The following EIF2B5 variants were observed in gnomAD, a reference collection of about 807,000 sequenced individuals.
EIF2B5 encodes translation initiation factor eIF2B subunit epsilon.
Under a neutral mutation model 87.3 loss-of-function variants are expected in EIF2B5, and 38 were observed. That is an observed-to-expected ratio of 0.44 (90% CI 0.34 to 0.57). The LOEUF is 0.57. Among genes scored for constraint, EIF2B5 ranks in the 20% least tolerant of loss-of-function variants. The pLI is 0.02. For missense variants in EIF2B5, 784 were observed against 909.5 expected, an observed-to-expected ratio of 0.86 and a Z score of 1.78; for synonymous variants, 313 against 339.6, an observed-to-expected ratio of 0.92 and a Z score of 0.86.
rs776891176 is a variant in EIF2B5 at position 184,142,379 on chromosome 3, G to A, written c.1444+1G>A. The A allele has an allele frequency of 1.2e-6, 2 of 1,614,074 alleles. No individual in the cohort carries two copies. Among genetic ancestry groups the A allele is most frequent in the African/African-American group, 2.7e-5 (2 of 74,932 alleles). ...GAAAAGGACAAAGTGAAGATGAAAG[G>A]TGTGAGACTCAACAGGTGTGGGGCA... On this transcript the variant is annotated splice_donor_variant, in intron 9 of 15. Coordinates refer to ENST00000648915, the MANE Select transcript of EIF2B5 (RefSeq NM_003907.3). LOFTEE classifies it high-confidence loss of function. The surrounding 1 kb of genome is among the most constrained non-coding windows in gnomAD (Gnocchi z 5.0).
At chr3:184,141,677 T>G (rs1361001442) in intron 7 of EIF2B5, among the ~76,000 whole-genome samples, 1 of 152,058 alleles carries the variant, frequency 6.6e-6, no homozygotes, top group Non-Finnish European at 1.5e-5. Flanking sequence ...GTTCAGAGGG[T>G]CCCCAGAAAT....
At position 184,137,652 on chromosome 3, in the gene EIF2B5, A is replaced by T; in HGVS notation, c.353A>T (p.Asn118Ile). 1 of 1,614,068 alleles carries T rather than the reference A, an allele frequency of 6.2e-7. No individual in the cohort carries two copies. The highest frequency in any genetic ancestry group is 8.5e-7 in the Non-Finnish European group (1 of 1,180,014). Residue 118 changes from asparagine (N) to isoleucine (I), a missense_variant, in exon 3 of 16, where the codon AAT (asparagine) becomes ATT (isoleucine). Asn to Ile is a moderately radical substitution (Grantham distance 149). Around this residue, in one of 3 missense-constraint regions of EIF2B5, gnomAD observed 660 missense variants for 789.5 expected, o/e 0.84. Transcript: ENST00000648915. The stretch of plus-strand genomic sequence containing the variant: ...AAGTGGTGCCGCCCTACATCTCTCA[A>T]TGTGGTTCGAATAATTACATCAGAG... ...KSKWCRPTSL[N>I]VVRIITSELY...
chr3:184,144,810 C>G, intron 15 of EIF2B5, 74 bp from the exon 16 acceptor site: 3 of 1,585,372 alleles, frequency 1.9e-6, no homozygotes, highest in South Asian at 1.1e-5. Flanking sequence ...GTTGTTAGAG[C>G]TGTTTATCTG....
At position 184,142,541 on chromosome 3, in the gene EIF2B5, A is replaced by G. The variant is rs113994082; in HGVS notation, c.1484A>G (p.Tyr495Cys). The G allele has an allele frequency of 3.1e-6, 5 of 1,614,104 alleles. No individual in the cohort carries two copies. The highest frequency in any genetic ancestry group is 3.4e-6 in the Non-Finnish European group (4 of 1,180,028). The part of the protein sequence containing the change: ...PAEVGAAGKG[Y>C]LWKAAGMNME... ...GAAGTAGGAGCTGCTGGCAAGGGCT[A>G]CCTCTGGAAAGCTGCAGGCATGAAC... Residue 495 changes from tyrosine to cysteine, a missense_variant, in exon 10 of 16, where the codon TAC (tyrosine) becomes TGC (cysteine). By Grantham distance (194) the Tyr-to-Cys change is radical (BLOSUM62 -2). Coordinates refer to ENST00000648915, the MANE Select transcript of EIF2B5 (RefSeq NM_003907.3). This position sits in a 1 kb window ranked among gnomAD's most constrained non-coding sequence, Gnocchi z 5.0.
intron 5 of EIF2B5, 33 bp downstream of exon 5, chr3:184,138,279 A>C: frequency 3.2e-6 from 5 of 1,567,228 alleles, no homozygotes; most frequent in Non-Finnish European, 4.4e-6. Flanking sequence ...TGCACACCCA[A>C]AGAGTAGAAC....
In EIF2B5 at chr3:184,140,701, A is replaced by G. The variant is rs756598504; in HGVS notation, c.1127A>G (p.Asn376Ser). 6.2e-7 allele frequency: 1 copy of G among 1,614,138 alleles called. No individual in the cohort carries two copies. The highest frequency in any genetic ancestry group is 1.1e-5 in the South Asian group (1 of 91,084). Residue 376 changes from asparagine to serine, a missense_variant, in exon 7 of 16, where the codon AAC becomes AGC. Physicochemically the swap from Asn to Ser is conservative, Grantham distance 46. Transcript: ENST00000648915. ...TVIGSNCFIT[N>S]SVIGPGCHIG... ...ATTGGCAGCAATTGCTTTATCACCA[A>G]CAGTGTCATTGGCCCCGGCTGCCAC...
Position 184,142,137 on chromosome 3 carries a change from C to CATTATT in EIF2B5, c.1302+68_1302+73dup. 6.2e-7 allele frequency: 1 copy of CATTATT among 1,613,782 alleles called. No individual in the cohort carries two copies. The highest frequency in any genetic ancestry group is 1.1e-5 in the South Asian group (1 of 90,970). Reference sequence around the variant, plus strand: ...GGCAGTCACACTGAGCCAGAAGGGGCATTATTTCCACCCATAATCCTGTCT... The same window carrying CATTATT: ...GGCAGTCACACTGAGCCAGAAGGGGCATTATTATTATTTCCACCCATAATCCTGTCT... On this transcript the variant is annotated intron_variant, in intron 8 of 15. Transcript: ENST00000648915. The surrounding 1 kb of genome is among the most constrained non-coding windows in gnomAD (Gnocchi z 5.0).
At chr3:184,136,519 T>C in intron 1 of EIF2B5, 93 bp from the exon 2 acceptor site, 4 of 1,521,380 alleles carry the variant, frequency 2.6e-6, no homozygotes, top group Non-Finnish European at 3.6e-6. Context: ...AATTACACTG[T>C]TTGGAAATAC....
Position 184,137,700 on chromosome 3 carries a change from T to A in EIF2B5, c.401T>A (p.Val134Asp). Reference sequence around the variant, plus strand: ...GAGCTCTATCGATCACTGGGAGATGTCCTCCGTGATGTTGATGCCAAGGCT... The same window carrying A: ...GAGCTCTATCGATCACTGGGAGATGACCTCCGTGATGTTGATGCCAAGGCT... ...TSELYRSLGDVLRDVDAKALV... is the reference protein window; with the variant it reads ...TSELYRSLGDDLRDVDAKALV... The change falls in exon 3 of 16, where the codon GTC (valine) becomes GAC (aspartate). Residue 134 changes from valine (V) to aspartate (D), a missense_variant. Around this residue, in one of 3 missense-constraint regions of EIF2B5, gnomAD observed 660 missense variants for 789.5 expected, o/e 0.84. Coordinates refer to ENST00000648915, the MANE Select transcript of EIF2B5 (RefSeq NM_003907.3). The A allele has an allele frequency of 1.2e-6, 2 of 1,614,204 alleles. No individual in the cohort carries two copies. Among genetic ancestry groups the A allele is most frequent in the Non-Finnish European group, 1.7e-6 (2 of 1,180,032 alleles).
chr3:184,135,872 G>A, intron 1 of EIF2B5: 1 of 510,814 alleles, frequency 2.0e-6, no homozygotes, highest in Non-Finnish European at 3.5e-6. Flanking sequence ...AGTGCCCCTA[G>A]AAGAGGCTGC....
intron 13 of EIF2B5, 111 bp downstream of exon 13, chr3:184,143,676 C>T: frequency 6.5e-7 from 1 of 1,531,610 alleles, no homozygotes; most frequent in African/African-American, 1.4e-5. Context: ...TTTTTCCTTG[C>T]CTCTGGAAGC....
At position 184,138,128 on chromosome 3, in the gene EIF2B5, G is replaced by A. The variant is rs373503053; in HGVS notation, c.685-38G>A. The A allele has an allele frequency of 9.3e-6, 15 of 1,613,998 alleles. No homozygotes were observed. The African/African-American group carries it at 1.6e-4, about 17-fold the overall frequency. On this transcript the variant is annotated intron_variant, in intron 4 of 15. Coordinates refer to ENST00000648915, the MANE Select transcript of EIF2B5 (RefSeq NM_003907.3). ...ATGGGGAAGTGACAGGCTTCAGTGG[G>A]AGAAACAAATTAAAGTCCTTGTAAC...
chr3:184,138,881 C>T (rs933802444), intron 5 of EIF2B5: 3 of 294,156 alleles, frequency 1.0e-5, no homozygotes, highest in Non-Finnish European at 2.0e-5. Context: ...GGCCTGGTCA[C>T]GAACTCCTGA....
chr3:184,136,956 G>A, intron 2 of EIF2B5: 1 of 611,580 alleles, frequency 1.6e-6, no homozygotes. Context: ...AATAAACTTG[G>A]GTTTTTTCTG....
intron 2 of EIF2B5, chr3:184,137,383 G>T (rs1713411193): frequency 3.5e-6 from 2 of 577,562 alleles, no homozygotes; most frequent in African/African-American, 1.9e-5. Flanking sequence ...GGGACAAGGG[G>T]TCAAGGTATG....
intron 1 of EIF2B5, 54 bp from the exon 2 acceptor site, chr3:184,136,558 G>C: frequency 6.2e-7 from 1 of 1,611,002 alleles, no homozygotes; most frequent in East Asian, 2.2e-5. Context: ...TGTTGCAGTG[G>C]GGTACCCAAA....
chr3:184,144,882 A>G lies in EIF2B5; in HGVS notation c.2107-2A>G. 1 of 1,613,624 alleles carries G rather than the reference A, an allele frequency of 6.2e-7. No homozygotes were observed. Among genetic ancestry groups the G allele is most frequent in the Non-Finnish European group, 8.5e-7 (1 of 1,179,964 alleles). On this transcript the variant is annotated splice_acceptor_variant, in intron 15 of 15. Transcript: ENST00000648915. LOFTEE classifies it high-confidence loss of function. ...GCCGATCTCTCCTCTGCTTCTTTAC[A>G]GCTGCAGAGGTTCATCCAGTGGCTA...
intron 1 of EIF2B5, 45 bp downstream of exon 1, chr3:184,135,625 A>T: frequency 6.4e-7 from 1 of 1,556,286 alleles, no homozygotes; most frequent in Non-Finnish European, 8.7e-7. Flanking sequence ...GAAGGGTGGC[A>T]GGGCTGGAGC....
rs1249963031 is a variant in EIF2B5 at position 184,144,115 on chromosome 3, G to A, written c.1886G>A (p.Ser629Asn). The change falls in exon 14 of 16, where the codon AGC becomes AAC. Residue 629 changes from serine (S) to asparagine (N), a missense_variant. Transcript: ENST00000648915. Reference protein sequence around the residue: ...ALLLPLLKAWSPVFRNYIKRA... With the variant: ...ALLLPLLKAWNPVFRNYIKRA... ...CTTCCATAGCTGCTAAAGGCCTGGA[G>A]CCCTGTTTTTAGGAACTACATAAAG... The A allele has an allele frequency of 6.2e-7, 1 of 1,614,216 alleles. No homozygotes were observed. Among genetic ancestry groups the A allele is most frequent in the Admixed American group, 1.7e-5 (1 of 60,014 alleles).
Sources: allele counts gnomAD v4.1 joint callset (sites outside exome capture counted in the v4.1 genomes callset), GRCh38; gene constraint gnomAD v4.1.1; regional missense constraint gnomAD v4.1.1; non-coding constraint Gnocchi (gnomAD v3.1); transcripts MANE v1.5; gene names NCBI Gene and HGNC (gene_info 2026-07-23, HGNC 2026-07-21).